Variants in C11orf65 observed in about 807,000 individuals in gnomAD.
C11orf65 encodes the protein chromosome 11 open reading frame 65, also known as protein MFI.
In C11orf65, 38 loss-of-function variants were observed where a neutral mutation model predicts 35.3. The ratio of observed to expected loss-of-function variants is 1.08; its 90% CI spans 0.83 to 1.41. The LOEUF is 1.41. C11orf65 is among the 40% of genes most tolerant of loss of function. C11orf65 has a pLI of 0.00. For missense variants in C11orf65, 370 were observed against 367.1 expected (o/e 1.01, Z -0.06); for synonymous variants, 105 against 114.4 (o/e 0.92, Z 0.53).
At chr11:108,429,303 G>T (rs1332989007) in intron 3 of C11orf65, among the ~76,000 whole-genome samples, 1 of 152,160 alleles carries the variant, frequency 6.6e-6, no homozygotes, top group Non-Finnish European at 1.5e-5. Flanking sequence ...GTGGGTAGAG[G>T]TATAGATGAA....
In C11orf65 at chr11:108,310,316, G is replaced by A. The variant is rs1591746871; in HGVS notation, c.641-1245C>T. 1.2e-6 allele frequency: 2 copies of A among 1,612,292 alleles called. No individual in the cohort carries two copies. The highest frequency in any genetic ancestry group is 1.7e-6 in the Non-Finnish European group (2 of 1,178,966). On this transcript the variant is annotated intron_variant, in intron 6 of 6. Transcript: ENST00000525729. The stretch of plus-strand genomic sequence containing the variant: ...AAAGTATGGATGATCAAGAGAAAAG[G>A]TAATGGAATTTAGAATTTTTGGTTT...
At chr11:108,381,950 CTCT>C (rs2091874642), downstream of C11orf65, among the ~76,000 whole-genome samples, 1 of 152,116 alleles carries the variant, frequency 6.6e-6, no homozygotes, top group Non-Finnish European at 1.5e-5. Context: ...CTCTCTCTCT[CTCT>C]CTCAGGTTGC....
Position 108,335,904 on chromosome 11 carries a change from A to C in C11orf65, c.227-612T>G, listed in dbSNP as rs876660946. The stretch of plus-strand genomic sequence containing the variant: ...AACAGGTCTTCCAGATGTGTAATAC[A>C]TTACTGCAGAGAAACACGGAAACTA... On this transcript the variant is annotated intron_variant, in intron 2 of 3. Coordinates refer to the C11orf65 transcript ENST00000524755. The C allele has an allele frequency of 6.2e-7, 1 of 1,614,078 alleles. No individual in the cohort carries two copies. Among genetic ancestry groups the C allele is most frequent in the Non-Finnish European group, 8.5e-7 (1 of 1,179,976 alleles).
intron 3 of C11orf65, among the ~76,000 whole-genome samples, chr11:108,416,384 T>G (rs114159671): frequency 0.013 from 1,922 of 152,080 alleles, 41 homozygotes; most frequent in African/African-American, 0.041. Context: ...AATTACAAAT[T>G]AAAACAACAA....
chr11:108,354,776 A>T (rs1303826136), intron 2 of C11orf65: 1 of 1,577,752 alleles, frequency 6.3e-7, no homozygotes, highest in Non-Finnish European at 8.7e-7. Context: ...ATTGGTGTGT[A>T]ACAAAATCCG....
downstream of C11orf65, chr11:108,331,283 T>A: frequency 7.2e-7 from 1 of 1,384,338 alleles, no homozygotes; most frequent in Non-Finnish European, 9.3e-7. Context: ...AGAAAGACCT[T>A]CAGATAAGAA....
At chr11:108,397,588 A>G (rs2092346299) in intron 6 of C11orf65, among the ~76,000 whole-genome samples, 1 of 152,198 alleles carries the variant, frequency 6.6e-6, no homozygotes, top group African/African-American at 2.4e-5. Flanking sequence ...TTTAAAAGCC[A>G]GAATTCTTTT....
chr11:108,444,722 G>C (rs1436186206), intron 2 of C11orf65, among the ~76,000 whole-genome samples: 1 of 152,116 alleles, frequency 6.6e-6, no homozygotes, highest in Non-Finnish European at 1.5e-5. Context: ...TGAGGTACCA[G>C]GTTCATCTCA....
At chr11:108,417,936 A>G (rs1020472712) in intron 3 of C11orf65, among the ~76,000 whole-genome samples, 1 of 147,510 alleles carries the variant, frequency 6.8e-6, no homozygotes, top group African/African-American at 2.5e-5. Flanking sequence ...AGGAAACACA[A>G]TATTACTGAC....
In C11orf65 at chr11:108,325,299, G is replaced by A. The variant is rs375599653; in HGVS notation, c.641-16228C>T. Reference sequence around the variant, plus strand: ...CTCTTGCTTACATGAACTCTATGTCGTGGCATTCAGATCAGTCACACATAG... The same window carrying A: ...CTCTTGCTTACATGAACTCTATGTCATGGCATTCAGATCAGTCACACATAG... On this transcript the variant is annotated intron_variant, in intron 6 of 6. Coordinates refer to the C11orf65 transcript ENST00000525729. The A allele has an allele frequency of 1.6e-5, 20 of 1,246,700 alleles. No individual in the cohort carries two copies. Among genetic ancestry groups the A allele is most frequent in the East Asian group, 2.5e-5 (1 of 39,492 alleles). 77.2% of individuals were successfully genotyped at this position (1,246,700 alleles called of 1,614,324 possible).
intron 3 of C11orf65, among the ~76,000 whole-genome samples, chr11:108,409,821 G>T (rs1237721723): frequency 6.6e-6 from 1 of 152,148 alleles, no homozygotes; most frequent in African/African-American, 2.4e-5. Flanking sequence ...CAGGATCTAG[G>T]TTGCATACGC....
At chr11:108,422,254 C>G (rs1169229831) in intron 3 of C11orf65, among the ~76,000 whole-genome samples, 1 of 152,110 alleles carries the variant, frequency 6.6e-6, no homozygotes, top group African/African-American at 2.4e-5. Context: ...ATTCCTTACT[C>G]TACAATTTTC....
chr11:108,360,722 A>T (rs2090626792), intron 2 of C11orf65, among the ~76,000 whole-genome samples: 1 of 141,850 alleles, frequency 7.0e-6, no homozygotes, highest in South Asian at 2.4e-4. Context: ...TAGATGCAGA[A>T]AAAGCCTTTG....
At chr11:108,335,172 T>G (rs751082404) in intron 3 of C11orf65, 117 of 1,610,170 alleles carry the variant, frequency 7.3e-5, no homozygotes, top group Middle Eastern at 3.3e-4. Context: ...TTAGTTCATA[T>G]TTTCTTTCTG....
chr11:108,312,224 T>C (rs1438478470), intron 6 of C11orf65, among the ~76,000 whole-genome samples: 1 of 152,214 alleles, frequency 6.6e-6, no homozygotes, highest in African/African-American at 2.4e-5. Context: ...TCTTAAAATA[T>C]AATTTTCATT....
rs1175043012 is a variant in C11orf65, at chr11:108,319,936, C to A, written c.641-10865G>T. The A allele has an allele frequency of 6.4e-7, 1 of 1,566,806 alleles. No individual in the cohort carries two copies. The highest frequency in any genetic ancestry group is 8.8e-7 in the Non-Finnish European group (1 of 1,137,906). On this transcript the variant is annotated intron_variant, in intron 6 of 6. Coordinates refer to the C11orf65 transcript ENST00000525729. Reference sequence around the variant, plus strand: ...GTTCTGTTTTTAAGTATATTTTTTTCTTTGACTTATCTCACAGCAAAGAAG... The same window carrying A: ...GTTCTGTTTTTAAGTATATTTTTTTATTTGACTTATCTCACAGCAAAGAAG...
chr11:108,404,447 A>G (rs2092499541), intron 6 of C11orf65, among the ~76,000 whole-genome samples: 1 of 151,960 alleles, frequency 6.6e-6, no homozygotes, highest in Admixed American at 6.6e-5. Context: ...TCGCTCTGTC[A>G]CCCAGGCTGG....
At chr11:108,317,271 TA>T in intron 6 of C11orf65, 3 of 1,285,440 alleles carry the variant, frequency 2.3e-6, no homozygotes, top group Non-Finnish European at 3.3e-6. Context: ...TATTGTGAAC[TA>T]AAATTTGTCT....
chr11:108,406,530 T>C (rs2092544045), intron 5 of C11orf65, among the ~76,000 whole-genome samples: 1 of 152,188 alleles, frequency 6.6e-6, no homozygotes, highest in African/African-American at 2.4e-5. Flanking sequence ...TATCTAAAGA[T>C]GGTCTAGATT....
Sources: gnomAD v4.1 joint callset for allele counts (sites outside exome capture counted in the v4.1 genomes callset) on GRCh38, gnomAD v4.1.1 for gene constraint, MANE v1.5 for transcripts, NCBI Gene and HGNC (gene_info 2026-07-23, HGNC 2026-07-21) for gene names.